MRPS5: variants seen among roughly 807,000 people sequenced by gnomAD.
MRPS5 encodes mitochondrial ribosomal protein S5, also known as small ribosomal subunit protein uS5m.
A neutral mutation model predicts 51.9 loss-of-function variants in MRPS5; 27 were observed. The observed-to-expected ratio is 0.52, with a 90% CI of 0.38 to 0.72. The LOEUF (loss-of-function observed/expected upper bound fraction) is 0.72. Ranked by LOEUF, MRPS5 falls within the 30% of genes least tolerant of loss-of-function variation. The pLI is 0.00. For missense variants in MRPS5, 570 were observed against 545.7 expected, an observed-to-expected ratio of 1.04 and a Z score of -0.44; for synonymous variants, 196 against 193.2, an observed-to-expected ratio of 1.01 and a Z score of -0.12.
At chr2:95,098,366 T>C (rs1369888660) in intron 10 of MRPS5, among the ~76,000 whole-genome samples, 1 of 152,214 alleles carries the variant, frequency 6.6e-6, no homozygotes, top group Non-Finnish European at 1.5e-5. Flanking sequence ...TTATAAATCA[T>C]GCTACTATAA....
intron 10 of MRPS5, chr2:95,091,203 C>T (rs1675457247): frequency 6.5e-6 from 1 of 152,878 alleles, no homozygotes; most frequent in African/African-American, 2.4e-5. Context: ...TGCCCGCCCA[C>T]CTCCCTGACC....
intron 3 of MRPS5, among the ~76,000 whole-genome samples, chr2:95,112,440 T>C (rs889420421): frequency 5.9e-5 from 9 of 152,218 alleles, no homozygotes; most frequent in African/African-American, 2.2e-4. Context: ...CATGGAGTTA[T>C]TTCCCTCTTA....
chr2:95,097,463 A>C (rs2058726583), intron 10 of MRPS5, among the ~76,000 whole-genome samples: 1 of 152,252 alleles, frequency 6.6e-6, no homozygotes, highest in African/African-American at 2.4e-5. Flanking sequence ...ACAAGGCTAC[A>C]GTAACCAAAA....
At chr2:95,093,042 C>T (rs1675514025) in intron 10 of MRPS5, 2 of 152,278 alleles carry the variant, frequency 1.3e-5, no homozygotes, top group Non-Finnish European at 2.9e-5. Flanking sequence ...AACGGCACAC[C>T]AGGAGATTAT....
At position 95,121,751 on chromosome 2, in the gene MRPS5, A is replaced by C. The variant is rs1387456241; in HGVS notation, c.41T>G (p.Leu14Arg). 1 of 1,552,474 alleles carries C rather than the reference A, an allele frequency of 6.4e-7. No homozygotes were observed. Among genetic ancestry groups the C allele is most frequent in the Non-Finnish European group, 8.6e-7 (1 of 1,158,308 alleles). The change falls in exon 1 of 12, where the codon CTG becomes CGG. Residue 14 changes from leucine (L) to arginine (R), a missense_variant. Transcript: ENST00000272418. ...GCTCTCACCTGCCGTCCCGCTACAC[A>C]GCACGGGGAGGCAGCCCACAGCGCG... ...AVRAVGCLPV[L>R]CSGTAGHLLG...
At chr2:95,100,187 CCA>C (rs1675754687) in intron 10 of MRPS5, among the ~76,000 whole-genome samples, 3 of 152,158 alleles carry the variant, frequency 2.0e-5, no homozygotes, top group African/African-American at 7.2e-5. Flanking sequence ...ACTAATGTTC[CCA>C]CTCCTCCAAA....
rs1278074660 is a variant in MRPS5 at position 95,086,645 on chromosome 2, A to C, written c.*712T>G. On this transcript the variant is annotated 3_prime_UTR_variant, in exon 12 of 12. Coordinates refer to ENST00000272418, the MANE Select transcript of MRPS5 (RefSeq NM_031902.5). ...TATGCAAAGAAATAAAAATATATATATTCCACAGAATGGGTAAAAACTTCT... is the reference window on the plus strand; with the variant it reads ...TATGCAAAGAAATAAAAATATATATCTTCCACAGAATGGGTAAAAACTTCT... Among the ~76,000 whole-genome samples, 2 of 152,186 alleles carry C rather than the reference A, an allele frequency of 1.3e-5. No individual in the cohort carries two copies. The highest frequency in any genetic ancestry group is 1.3e-4 in the Admixed American group (2 of 15,276).
chr2:95,094,659 C>T (rs1219297780), intron 10 of MRPS5, among the ~76,000 whole-genome samples: 3 of 152,102 alleles, frequency 2.0e-5, no homozygotes, highest in African/African-American at 7.2e-5. Flanking sequence ...GAAATAAAAT[C>T]CTTTACACAC....
Position 95,090,430 on chromosome 2 carries a change from T to C in MRPS5, c.1024A>G (p.Met342Val), listed in dbSNP as rs577660952. ...AAGAGGCCCTGGGTGAGGCTGAGCA[T>C]ATTAATGGACCCAGAGACCTTGGCA... Reference protein sequence around the residue: ...MYAKVSGSINMLSLTQGLFRG... With the variant: ...MYAKVSGSINVLSLTQGLFRG... Residue 342 changes from methionine (M) to valine (V), a missense_variant, in exon 11 of 12, where the codon ATG becomes GTG. Coordinates refer to ENST00000272418, the MANE Select transcript of MRPS5 (RefSeq NM_031902.5). The C allele has an allele frequency of 1.5e-5, 24 of 1,614,078 alleles. No individual in the cohort carries two copies. In the East Asian group the frequency reaches 4.7e-4, roughly 31 times the overall value.
At chr2:95,114,590 T>A (rs1341155627) in intron 3 of MRPS5, among the ~76,000 whole-genome samples, 1 of 152,138 alleles carries the variant, frequency 6.6e-6, no homozygotes, top group Non-Finnish European at 1.5e-5. Context: ...TTCTTTTAAT[T>A]TGCCTAATGC....
rs948521016 is a variant in MRPS5, at chr2:95,121,621, G to A, written c.58+113C>T. On this transcript the variant is annotated intron_variant, in intron 1 of 11. Transcript: ENST00000272418. The stretch of plus-strand genomic sequence containing the variant: ...GCGGAAGGTGGGGGCACGGCGTGAA[G>A]AGCCGGGGGCCGCGGCTTCTCGCTT... 7.4e-6 allele frequency: 9 copies of A among 1,218,584 alleles called. No homozygotes were observed. The East Asian group carries it at 1.2e-4, about 16-fold the overall frequency. The allele number at this position is 1,218,584 out of a possible 1,614,324, so 75.5% of individuals were successfully genotyped here. A position where few individuals can be genotyped will look rare whatever the true frequency, so the allele number is the denominator to read the frequency against.
intron 11 of MRPS5, among the ~76,000 whole-genome samples, chr2:95,088,668 T>C (rs1675369578): frequency 6.6e-6 from 1 of 152,264 alleles, no homozygotes; most frequent in Non-Finnish European, 1.5e-5. Context: ...GAGTGACATA[T>C]TAAATAATGC....
intron 4 of MRPS5, among the ~76,000 whole-genome samples, chr2:95,109,395 C>T (rs1183865875): frequency 6.6e-6 from 1 of 152,166 alleles, no homozygotes; most frequent in Non-Finnish European, 1.5e-5. Context: ...TATAAACAAT[C>T]ACGTGTTCTG....
intron 7 of MRPS5, chr2:95,103,621 C>T (rs530302658): frequency 1.3e-5 from 2 of 152,274 alleles, no homozygotes; most frequent in African/African-American, 4.8e-5. Flanking sequence ...ACAAATTACA[C>T]ATAAACGAAC....
intron 11 of MRPS5, among the ~76,000 whole-genome samples, chr2:95,089,968 G>A (rs1356805392): frequency 6.6e-6 from 1 of 151,720 alleles, no homozygotes; most frequent in Admixed American, 6.6e-5. Context: ...ACGAGGTCAG[G>A]AGATCGAGAC....
intron 6 of MRPS5, among the ~76,000 whole-genome samples, 173 bp downstream of exon 6, chr2:95,106,250 A>C (rs1675944487): frequency 6.6e-6 from 1 of 152,148 alleles, no homozygotes; most frequent in Admixed American, 6.6e-5. Context: ...CAGAAGAGCC[A>C]GTATCCAGTA....
chr2:95,100,968 A>T, intron 8 of MRPS5, 74 bp from the exon 9 acceptor site: 1 of 1,291,558 alleles, frequency 7.7e-7, no homozygotes. Flanking sequence ...AACACTTTTA[A>T]TAAAAATGTT....
In MRPS5 at chr2:95,087,472, TTCC is replaced by T; in HGVS notation, c.1175_1177del (p.Arg392del). On this transcript the variant is annotated inframe_deletion, in exon 12 of 12. Transcript: ENST00000272418. ...AACCTCATCTTCTGGCTCTGGATCC[TTCC>T]TCAAGGGCCCCCGGGGGGACGCAAC... The T allele has an allele frequency of 9.9e-6, 16 of 1,614,130 alleles. No individual in the cohort carries two copies. The highest frequency in any genetic ancestry group is 1.4e-5 in the Non-Finnish European group (16 of 1,179,996).
At chr2:95,121,513 G>A (rs1020131705) in intron 1 of MRPS5, among the ~76,000 whole-genome samples, 5 of 152,202 alleles carry the variant, frequency 3.3e-5, no homozygotes, top group African/African-American at 1.2e-4. Context: ...GAAGAACGAC[G>A]TCCAGTTCCC....
Sources: gnomAD v4.1 joint callset for allele counts (sites outside exome capture counted in the v4.1 genomes callset) on GRCh38, gnomAD v4.1.1 for gene constraint, MANE v1.5 for transcripts, NCBI Gene and HGNC (gene_info 2026-07-23, HGNC 2026-07-21) for gene names.